Variants in ALPK2 observed in about 807,000 individuals in gnomAD.
The protein encoded by ALPK2 is alpha-protein kinase 2.
A neutral mutation model predicts 163.1 loss-of-function variants in ALPK2; 127 were observed. The ratio of observed to expected loss-of-function variants is 0.78; its 90% CI spans 0.67 to 0.90. ALPK2 has a LOEUF of 0.90. Ranked by LOEUF, ALPK2 falls within the 40% of genes least tolerant of loss-of-function variation. The pLI, the probability that ALPK2 is intolerant of heterozygous loss-of-function variation, is 0.00. For missense variants in ALPK2, 2,360 were observed against 2,589.6 expected (o/e 0.91, Z 1.92); for synonymous variants, 953 against 959.1 (o/e 0.99, Z 0.12).
chr18:58,554,863 T>G (rs776204516), intron 4 of ALPK2, among the ~76,000 whole-genome samples: 14 of 152,162 alleles, frequency 9.2e-5, no homozygotes, highest in Non-Finnish European at 2.1e-4. Context: ...AATTGAATCA[T>G]GGGGGCGGGT....
chr18:58,504,067 A>C lies in ALPK2; in HGVS notation c.6111T>G (p.Phe2037Leu), dbSNP rs761392422. 8.1e-6 allele frequency: 13 copies of C among 1,614,104 alleles called. No individual in the cohort carries two copies. Among genetic ancestry groups the C allele is most frequent in the Non-Finnish European group, 1.1e-5 (13 of 1,180,044 alleles). ...TCCCATCCCTGATGGAATACTTCAC[A>C]AATTCTCCAATCAGCTCCTCCTCCA... ...ATVEEELIGE[F>L]VKYSIRDGKE... is the part of the protein sequence containing the mutation. Residue 2037 changes from phenylalanine to leucine, a missense_variant, in exon 11 of 13, where the codon TTT becomes TTG. Transcript: ENST00000361673.
chr18:58,528,648 CTGT>C (rs149704914), intron 6 of ALPK2: 18,996 of 171,900 alleles, frequency 0.11, 1,226 homozygotes, highest in Middle Eastern at 0.16. Flanking sequence ...TCATAGATTG[CTGT>C]TGTTGTTGTT....
intron 12 of ALPK2, among the ~76,000 whole-genome samples, chr18:58,492,683 C>G (rs532466021): frequency 2.0e-5 from 3 of 152,330 alleles, no homozygotes; most frequent in Non-Finnish European, 4.4e-5. Flanking sequence ...AGCGATGCAG[C>G]ACCTGTCCCT....
intron 12 of ALPK2, among the ~76,000 whole-genome samples, chr18:58,487,193 A>C (rs1341247202): frequency 6.6e-6 from 1 of 152,248 alleles, no homozygotes; most frequent in Non-Finnish European, 1.5e-5. Context: ...AAATAAGGTC[A>C]CACTGGAGCA....
At chr18:58,600,452 A>G (rs1455887387) in intron 3 of ALPK2, among the ~76,000 whole-genome samples, 1 of 152,188 alleles carries the variant, frequency 6.6e-6, no homozygotes, top group East Asian at 1.9e-4. Context: ...TTGGGTGATT[A>G]TGTATAGAAA....
intron 8 of ALPK2, 130 bp downstream of exon 8, chr18:58,523,676 G>A: frequency 4.4e-6 from 5 of 1,138,188 alleles, no homozygotes; most frequent in Non-Finnish European, 6.5e-6. Flanking sequence ...CATTTCTTAA[G>A]TCACGCCATA....
intron 3 of ALPK2, among the ~76,000 whole-genome samples, chr18:58,601,594 C>T (rs1473558534): frequency 6.6e-6 from 1 of 152,158 alleles, no homozygotes; most frequent in East Asian, 1.9e-4. Context: ...TTAGACTGCC[C>T]TGTAAGGAAA....
At chr18:58,532,630 T>C (rs2051622133) in intron 5 of ALPK2, among the ~76,000 whole-genome samples, 1 of 152,212 alleles carries the variant, frequency 6.6e-6, no homozygotes, top group Non-Finnish European at 1.5e-5. Context: ...AAGCTCTCTA[T>C]TTATTTCATA....
intron 5 of ALPK2, among the ~76,000 whole-genome samples, chr18:58,531,521 A>G (rs2051613775): frequency 6.6e-6 from 1 of 152,126 alleles, no homozygotes; most frequent in South Asian, 2.1e-4. Flanking sequence ...TTAAGCAATG[A>G]AATTGCTGTT....
intron 12 of ALPK2, among the ~76,000 whole-genome samples, chr18:58,491,078 G>T (rs4940718): frequency 6.6e-6 from 1 of 152,086 alleles, no homozygotes; most frequent in East Asian, 1.9e-4. Context: ...ATCCCCAAAG[G>T]GCTGTGCTGG....
intron 4 of ALPK2, among the ~76,000 whole-genome samples, chr18:58,562,550 C>A (rs909713730): frequency 1.3e-5 from 2 of 152,220 alleles, no homozygotes; most frequent in African/African-American, 4.8e-5. Flanking sequence ...ATTAGGTACA[C>A]ATGGAAGCTA....
In ALPK2 at chr18:58,537,489, G is replaced by A. The variant is rs1336495856; in HGVS notation, c.2698C>T (p.His900Tyr). ...FTSTFTLNISHTASEGATGEN... is the reference protein window; with the variant it reads ...FTSTFTLNISYTASEGATGEN... ...CCTGTGGCACCTTCACTAGCTGTGT[G>A]TGAAATGTTCAAGGTGAAAGTACTG... Residue 900 changes from histidine (H) to tyrosine (Y), a missense_variant, in exon 5 of 13, where the codon CAC (histidine) becomes TAC (tyrosine). Transcript: ENST00000361673. 2 of 1,612,060 alleles carry A rather than the reference G, an allele frequency of 1.2e-6. No individual in the cohort carries two copies. The highest frequency in any genetic ancestry group is 1.3e-5 in the African/African-American group (1 of 74,998).
chr18:58,498,735 G>A (rs1365394541), intron 11 of ALPK2, among the ~76,000 whole-genome samples: 1 of 152,104 alleles, frequency 6.6e-6, no homozygotes, highest in Non-Finnish European at 1.5e-5. Context: ...ATTTCATAAG[G>A]GGCTTCTCCT....
intron 3 of ALPK2, among the ~76,000 whole-genome samples, chr18:58,584,777 G>A (rs1335196264): frequency 6.6e-6 from 1 of 152,182 alleles, no homozygotes; most frequent in Non-Finnish European, 1.5e-5. Context: ...GTGCTAAGGT[G>A]TACAGAACAG....
intron 10 of ALPK2, chr18:58,511,477 T>TG (rs1264000748): frequency 3.9e-5 from 6 of 152,284 alleles, no homozygotes; most frequent in Admixed American, 3.3e-4. Context: ...CACTTGCTCT[T>TG]GCCTCTGTGA....
chr18:58,523,620 G>A (rs1740366069), intron 8 of ALPK2, among the ~76,000 whole-genome samples, 186 bp downstream of exon 8: 1 of 152,146 alleles, frequency 6.6e-6, no homozygotes, highest in Non-Finnish European at 1.5e-5. Context: ...ACTGGTGTGA[G>A]ATGGTATCTC....
At chr18:58,611,535 A>G (rs1018786768) in intron 2 of ALPK2, among the ~76,000 whole-genome samples, 154 bp downstream of exon 2, 1 of 152,162 alleles carries the variant, frequency 6.6e-6, no homozygotes, top group Non-Finnish European at 1.5e-5. Context: ...TTAGAAACAA[A>G]TCATAGAGGA....
chr18:58,493,076 A>G (rs1280538821), intron 12 of ALPK2, among the ~76,000 whole-genome samples: 1 of 152,198 alleles, frequency 6.6e-6, no homozygotes, highest in Non-Finnish European at 1.5e-5. Flanking sequence ...GACCGGATGA[A>G]GATGGGATGC....
chr18:58,490,337 C>T (rs2051367027), intron 12 of ALPK2, among the ~76,000 whole-genome samples: 1 of 152,120 alleles, frequency 6.6e-6, no homozygotes, highest in South Asian at 2.1e-4. Flanking sequence ...CCATCTGAGC[C>T]ACCACTGCCC....
Sources: allele counts gnomAD v4.1 joint callset (sites outside exome capture counted in the v4.1 genomes callset), GRCh38; gene constraint gnomAD v4.1.1; transcripts MANE v1.5; gene names NCBI Gene and HGNC (gene_info 2026-07-23, HGNC 2026-07-21).